Variants in LRRTM4 observed in about 807,000 individuals in gnomAD.
LRRTM4 encodes the protein leucine rich repeat transmembrane neuronal 4, also known as leucine-rich repeat transmembrane neuronal protein 4.
LRRTM4 carries 25 observed loss-of-function variants against 47.6 expected under a neutral mutation model. The ratio of observed to expected loss-of-function variants is 0.53; its 90% CI spans 0.38 to 0.73. The LOEUF (loss-of-function observed/expected upper bound fraction) is 0.73. LRRTM4 is among the 30% of genes least tolerant of loss of function. The pLI, the probability that LRRTM4 is intolerant of heterozygous loss-of-function variation, is 0.00. For synonymous variants in LRRTM4, 311 were observed against 269.5 expected, an observed-to-expected ratio of 1.15 and a Z score of -1.51; for missense variants, 638 against 713.4, an observed-to-expected ratio of 0.89 and a Z score of 1.20.
At chr2:77,297,988 G>A (rs1677019475) in intron 3 of LRRTM4, among the ~76,000 whole-genome samples, 1 of 152,090 alleles carries the variant, frequency 6.6e-6, no homozygotes, top group Non-Finnish European at 1.5e-5. Context: ...ATCATAAACA[G>A]CACCTTTTCG....
chr2:76,880,337 T>A (rs567804836), intron 3 of LRRTM4, among the ~76,000 whole-genome samples: 1 of 152,194 alleles, frequency 6.6e-6, no homozygotes, highest in East Asian at 1.9e-4. Flanking sequence ...TCAGCAGCCA[T>A]GGACATTGAG....
intron 3 of LRRTM4, among the ~76,000 whole-genome samples, chr2:77,425,627 T>C (rs1434238246): frequency 2.6e-5 from 4 of 152,196 alleles, no homozygotes; most frequent in African/African-American, 4.8e-5. Flanking sequence ...TTGACACCTA[T>C]AAGTGGATAA....
chr2:76,995,558 G>A (rs1003188085), intron 3 of LRRTM4, among the ~76,000 whole-genome samples: 24 of 151,906 alleles, frequency 1.6e-4, no homozygotes, highest in Non-Finnish European at 2.4e-4. Context: ...CTCTATCAAA[G>A]TAAAAATTAA....
At chr2:76,946,953 C>A (rs1407620688) in intron 3 of LRRTM4, among the ~76,000 whole-genome samples, 1 of 151,898 alleles carries the variant, frequency 6.6e-6, no homozygotes, top group African/African-American at 2.4e-5. Context: ...AGGCCAAGTT[C>A]CTTTGTTTGA....
At chr2:77,200,859 T>C (rs559793213) in intron 3 of LRRTM4, among the ~76,000 whole-genome samples, 1 of 152,184 alleles carries the variant, frequency 6.6e-6, no homozygotes, top group Admixed American at 6.6e-5. Context: ...CCTAAGTAAT[T>C]TATGACTTAC....
rs1238983615 is a variant in LRRTM4, at chr2:77,083,732, T to G, written c.1552-334816A>C. Among the ~76,000 whole-genome samples the G allele has an allele frequency of 2.6e-5, 4 of 151,286 alleles. No homozygotes were observed. The East Asian group carries it at 5.8e-4, about 22-fold the overall frequency. Reference sequence around the variant, plus strand: ...AGTGTTGATTGTTCTTCAGTAATGATTCTTCCTTTCTTTCATAGTAACAAA... The same window carrying G: ...AGTGTTGATTGTTCTTCAGTAATGAGTCTTCCTTTCTTTCATAGTAACAAA... On this transcript the variant is annotated intron_variant, in intron 3 of 3. Transcript: ENST00000409884.
At chr2:76,998,458 T>G (rs1677283573) in intron 3 of LRRTM4, among the ~76,000 whole-genome samples, 1 of 151,942 alleles carries the variant, frequency 6.6e-6, no homozygotes. Context: ...GAGTGCTGCT[T>G]AAACAAACAG....
At chr2:77,426,367 C>T (rs1675105482) in intron 3 of LRRTM4, among the ~76,000 whole-genome samples, 1 of 152,148 alleles carries the variant, frequency 6.6e-6, no homozygotes, top group Non-Finnish European at 1.5e-5. Flanking sequence ...TCTTTGCACT[C>T]AGCCAGAGCT....
intron 3 of LRRTM4, among the ~76,000 whole-genome samples, chr2:77,238,124 A>T (rs947910427): frequency 2.0e-5 from 3 of 152,144 alleles, no homozygotes; most frequent in Non-Finnish European, 4.4e-5. Flanking sequence ...TTTTAAAATA[A>T]AAAATAAGTT....
chr2:76,846,169 G>A (rs1199262708), intron 3 of LRRTM4, among the ~76,000 whole-genome samples: 1 of 152,068 alleles, frequency 6.6e-6, no homozygotes, highest in African/African-American at 2.4e-5. Flanking sequence ...CGAATACCAA[G>A]GGATGACTGT....
At chr2:77,270,491 G>C (rs570815363) in intron 3 of LRRTM4, among the ~76,000 whole-genome samples, 1 of 152,132 alleles carries the variant, frequency 6.6e-6, no homozygotes, top group Non-Finnish European at 1.5e-5. Flanking sequence ...AGTAAAAGGC[G>C]CTATGGAATT....
At chr2:77,331,846 C>A (rs530489201) in intron 3 of LRRTM4, among the ~76,000 whole-genome samples, 123 of 152,152 alleles carry the variant, frequency 8.1e-4, no homozygotes, top group Non-Finnish European at 1.5e-3. Context: ...TCGTGTTAAG[C>A]CCTGCCAGAA....
chr2:77,189,884 C>G (rs1360662725), intron 3 of LRRTM4, among the ~76,000 whole-genome samples: 3 of 151,908 alleles, frequency 2.0e-5, no homozygotes, highest in African/African-American at 7.3e-5. Flanking sequence ...ACATATATAA[C>G]TGACTAGCTT....
intron 3 of LRRTM4, among the ~76,000 whole-genome samples, chr2:77,014,036 T>G (rs1327048819): frequency 6.6e-6 from 1 of 152,202 alleles, no homozygotes; most frequent in Non-Finnish European, 1.5e-5. Context: ...GAATAAATTC[T>G]TCACTGTGTG....
At chr2:77,187,201 A>G (rs189836643) in intron 3 of LRRTM4, among the ~76,000 whole-genome samples, 2 of 152,110 alleles carry the variant, frequency 1.3e-5, no homozygotes, top group South Asian at 4.1e-4. Context: ...TTTTGCCTTG[A>G]GGTGAAACTA....
chr2:77,245,208 A>G (rs58417924), intron 3 of LRRTM4, among the ~76,000 whole-genome samples: 82,598 of 151,348 alleles, frequency 0.55, 22,868 homozygotes, highest in African/African-American at 0.6. Context: ...AGATAGAAAT[A>G]ATACTTTAAA....
chr2:77,129,966 C>T (rs1350789373), intron 3 of LRRTM4, among the ~76,000 whole-genome samples: 1 of 152,092 alleles, frequency 6.6e-6, no homozygotes, highest in Non-Finnish European at 1.5e-5. Context: ...TAAAAACAAG[C>T]ATTTTTTTCT....
At chr2:77,376,027 T>C (rs1278765594) in intron 3 of LRRTM4, among the ~76,000 whole-genome samples, 1 of 151,882 alleles carries the variant, frequency 6.6e-6, no homozygotes, top group Non-Finnish European at 1.5e-5. Flanking sequence ...TGTGACTGGC[T>C]ATATCTGTTC....
chr2:77,451,416 C>G (rs1002204366), intron 3 of LRRTM4, among the ~76,000 whole-genome samples: 1 of 152,122 alleles, frequency 6.6e-6, no homozygotes, highest in Admixed American at 6.5e-5. Flanking sequence ...AGCTGGAAAA[C>G]GGAACATGGA....
Sources: gnomAD v4.1 joint callset for allele counts (sites outside exome capture counted in the v4.1 genomes callset) on GRCh38, gnomAD v4.1.1 for gene constraint, MANE v1.5 for transcripts, NCBI Gene and HGNC (gene_info 2026-07-23, HGNC 2026-07-21) for gene names.